The following PLEKHA6 variants were observed in gnomAD, a reference collection of about 807,000 sequenced individuals.
PLEKHA6 encodes pleckstrin homology domain-containing family A member 6.
A neutral mutation model predicts 116.7 loss-of-function variants in PLEKHA6; 60 were observed. The observed-to-expected ratio is 0.51, with a 90% CI of 0.42 to 0.64. The LOEUF (loss-of-function observed/expected upper bound fraction) is 0.64, where lower values mean the gene tolerates loss of function less well. Ranked by LOEUF, PLEKHA6 falls within the 30% of genes least tolerant of loss-of-function variation. The probability of loss-of-function intolerance (pLI) is 0.00; values close to 1 mark genes in which losing one functional copy is unlikely to be tolerated. For missense variants in PLEKHA6, 1,338 were observed against 1,422.7 expected (o/e 0.94, Z 0.96); for synonymous variants, 489 against 556.1 (o/e 0.88, Z 1.70).
intron 1 of PLEKHA6, among the ~76,000 whole-genome samples, chr1:204,329,873 A>G (rs1308356381): frequency 6.7e-6 from 1 of 149,430 alleles, no homozygotes; most frequent in African/African-American, 2.5e-5. Context: ...TGGGTAACAA[A>G]GTGAGACCCT....
intron 1 of PLEKHA6, among the ~76,000 whole-genome samples, chr1:204,316,351 A>T (rs531730548): frequency 6.6e-6 from 1 of 152,358 alleles, no homozygotes; most frequent in Admixed American, 6.5e-5. Context: ...CCCTGTGCCC[A>T]CAAGAAACCC....
intron 1 of PLEKHA6, among the ~76,000 whole-genome samples, chr1:204,311,131 C>A (rs1022701544): frequency 6.6e-6 from 1 of 152,208 alleles, no homozygotes; most frequent in Non-Finnish European, 1.5e-5. Flanking sequence ...TATCCACAGG[C>A]CGCTTGAACT....
In PLEKHA6 at chr1:204,259,508, A is replaced by G. The variant is rs754594197; in HGVS notation, c.757T>C (p.Tyr253His). The G allele has an allele frequency of 5.0e-6, 8 of 1,614,064 alleles. No homozygotes were observed. In the South Asian group the frequency reaches 6.6e-5, roughly 13 times the overall value. ...CCTGGCACTCTTGGGCCCTCGGGGTAAGGGCTGCCCGGCTCTGAGGCTGGC... is the reference window on the plus strand; with the variant it reads ...CCTGGCACTCTTGGGCCCTCGGGGTGAGGGCTGCCCGGCTCTGAGGCTGGC... ...PEPASEPGSP[Y>H]PEGPRVPGGG... Residue 253 changes from tyrosine to histidine, a missense_variant, in exon 8 of 23, where the codon TAC becomes CAC. Tyr to His is a moderately conservative substitution (Grantham distance 83, BLOSUM62 2). Transcript: ENST00000272203. The surrounding 1 kb of genome is among the most constrained non-coding windows in gnomAD (Gnocchi z 4.6).
intron 21 of PLEKHA6, among the ~76,000 whole-genome samples, chr1:204,226,680 T>C (rs778517773): frequency 5.3e-5 from 8 of 152,130 alleles, no homozygotes; most frequent in Non-Finnish European, 1.2e-4. Context: ...CTCCCTGAAA[T>C]ACCTCCAAGG....
chr1:204,290,314 G>A (rs1353390480), intron 1 of PLEKHA6, among the ~76,000 whole-genome samples: 5 of 152,096 alleles, frequency 3.3e-5, no homozygotes, highest in Non-Finnish European at 7.4e-5. Flanking sequence ...AGACAATGTA[G>A]TGTTGGCATA....
At chr1:204,249,649 A>G (rs1664270583) in intron 10 of PLEKHA6, among the ~76,000 whole-genome samples, 1 of 151,688 alleles carries the variant, frequency 6.6e-6, no homozygotes, top group African/African-American at 2.4e-5. Context: ...GCAGTGAGCA[A>G]TAGAAACTGT....
At chr1:204,246,550 A>G (rs1663714016) in intron 13 of PLEKHA6, among the ~76,000 whole-genome samples, 1 of 152,174 alleles carries the variant, frequency 6.6e-6, no homozygotes, top group African/African-American at 2.4e-5. Context: ...GGTGAGTAGC[A>G]TTACCAGGAG....
At chr1:204,357,318 A>G (rs936844538) in intron 1 of PLEKHA6, among the ~76,000 whole-genome samples, 1 of 152,196 alleles carries the variant, frequency 6.6e-6, no homozygotes, top group East Asian at 1.9e-4. Context: ...AGTCTGGACT[A>G]GATAGTCTCT....
chr1:204,248,767 C>T, intron 12 of PLEKHA6, 54 bp downstream of exon 12: 8 of 1,555,560 alleles, frequency 5.1e-6, no homozygotes, highest in Non-Finnish European at 7.0e-6. Flanking sequence ...AGGTGGTGGC[C>T]CTGCTGCCTA....
intron 1 of PLEKHA6, among the ~76,000 whole-genome samples, chr1:204,330,079 A>G (rs1257439872): frequency 6.6e-6 from 1 of 152,202 alleles, no homozygotes; most frequent in Non-Finnish European, 1.5e-5. Context: ...GTAACAGGAC[A>G]GTTGATTACA....
chr1:204,352,180 C>T (rs1468272723), intron 1 of PLEKHA6, among the ~76,000 whole-genome samples: 2 of 152,016 alleles, frequency 1.3e-5, no homozygotes, highest in African/African-American at 4.8e-5. Context: ...TTGAGACCAG[C>T]CTGGCCAACA....
rs940613118 is a variant in PLEKHA6, at chr1:204,307,053, C to T, written c.-94-32244G>A. Among the ~76,000 whole-genome samples the T allele has an allele frequency of 2.0e-5, 3 of 152,152 alleles. 1 individual carries two copies. The highest frequency in any genetic ancestry group is 7.2e-5 in the African/African-American group (3 of 41,514). On this transcript the variant is annotated intron_variant, in intron 1 of 22. Transcript: ENST00000272203. ...GGAAGATGAACATTTATGCAATATT[C>T]TTATTTGCTAGAAGAGAAAGAAGGG...
At chr1:204,324,342 G>A (rs1429954780) in intron 1 of PLEKHA6, among the ~76,000 whole-genome samples, 2 of 152,040 alleles carry the variant, frequency 1.3e-5, no homozygotes, top group Admixed American at 1.3e-4. Context: ...TTGTCACTGG[G>A]CACAAAGACA....
intron 1 of PLEKHA6, among the ~76,000 whole-genome samples, chr1:204,310,205 C>T (rs1671607640): frequency 6.6e-6 from 1 of 152,002 alleles, no homozygotes; most frequent in Non-Finnish European, 1.5e-5. Flanking sequence ...GGGGACTGGG[C>T]ATAGATGAGA....
intron 1 of PLEKHA6, among the ~76,000 whole-genome samples, chr1:204,326,132 C>T (rs192893217): frequency 2.6e-5 from 4 of 152,180 alleles, no homozygotes; most frequent in African/African-American, 9.7e-5. Context: ...CCTGCTGTGG[C>T]CAACTTTCTC....
At chr1:204,283,930 A>G (rs904957614) in intron 1 of PLEKHA6, among the ~76,000 whole-genome samples, 5 of 152,188 alleles carry the variant, frequency 3.3e-5, no homozygotes, top group Non-Finnish European at 7.3e-5. Flanking sequence ...ACACAGGGGA[A>G]CTGAATAACT....
chr1:204,300,972 T>C (rs756329891), intron 1 of PLEKHA6, among the ~76,000 whole-genome samples: 3 of 152,250 alleles, frequency 2.0e-5, no homozygotes, highest in African/African-American at 4.8e-5. Flanking sequence ...CATATTTAGC[T>C]GCAAACTGCG....
intron 1 of PLEKHA6, among the ~76,000 whole-genome samples, chr1:204,336,501 G>A (rs76210322): frequency 0.045 from 6,874 of 152,282 alleles, 166 homozygotes; most frequent in African/African-American, 0.053. Context: ...GGAATTCAGC[G>A]GAAGGAGAGG....
chr1:204,221,672 G>A lies in PLEKHA6; in HGVS notation c.*1116C>T, dbSNP rs1164979039. 1 of 152,298 alleles carries A rather than the reference G, an allele frequency of 6.6e-6. No homozygotes were observed. Among genetic ancestry groups the A allele is most frequent in the Non-Finnish European group, 1.5e-5 (1 of 68,142 alleles). The allele number at this position is 152,298 out of a possible 1,614,324, so 9.4% of individuals were successfully genotyped here. A position where few individuals can be genotyped will look rare whatever the true frequency, so the allele number is the denominator to read the frequency against. Reference sequence around the variant, plus strand: ...GGAACTGGGTAGGTAAGGCCCCAAGGCTGACCACACCCTACATAAGACAAG... The same window carrying A: ...GGAACTGGGTAGGTAAGGCCCCAAGACTGACCACACCCTACATAAGACAAG... On this transcript the variant is annotated 3_prime_UTR_variant, in exon 23 of 23. Coordinates refer to ENST00000272203, the MANE Select transcript of PLEKHA6 (RefSeq NM_014935.5).
Sources: allele counts gnomAD v4.1 joint callset (sites outside exome capture counted in the v4.1 genomes callset), GRCh38; gene constraint gnomAD v4.1.1; non-coding constraint Gnocchi (gnomAD v3.1); transcripts MANE v1.5; gene names NCBI Gene and HGNC (gene_info 2026-07-23, HGNC 2026-07-21).